The following PEX5L variants were observed in gnomAD, a reference collection of about 807,000 sequenced individuals.
PEX5L encodes PEX5-related protein.
PEX5L carries 30 observed loss-of-function variants against 84.0 expected under a neutral mutation model. That is an observed-to-expected ratio of 0.36 (90% CI 0.27 to 0.48). PEX5L has a LOEUF of 0.48. Ranked by LOEUF, PEX5L falls within the 20% of genes least tolerant of loss-of-function variation. PEX5L has a pLI of 0.99. For missense variants in PEX5L, 533 were observed against 754.6 expected, an observed-to-expected ratio of 0.71 and a Z score of 3.44; for synonymous variants, 270 against 283.1, an observed-to-expected ratio of 0.95 and a Z score of 0.46.
chr3:179,928,577 C>T (rs1265332555), intron 2 of PEX5L, among the ~76,000 whole-genome samples: 2 of 152,200 alleles, frequency 1.3e-5, no homozygotes, highest in Non-Finnish European at 2.9e-5. Flanking sequence ...ATCTGAGTTA[C>T]AATCTCAACT....
chr3:179,872,218 A>G (rs1395181085), intron 7 of PEX5L, among the ~76,000 whole-genome samples: 1 of 152,110 alleles, frequency 6.6e-6, no homozygotes, highest in Admixed American at 6.6e-5. Context: ...GTCTTTTATT[A>G]CAGGTAGATT....
At chr3:179,941,515 T>C (rs1007586344) in intron 2 of PEX5L, among the ~76,000 whole-genome samples, 1 of 152,196 alleles carries the variant, frequency 6.6e-6, no homozygotes. Context: ...ATTTCCCCCA[T>C]TTCACAGATG....
intron 3 of PEX5L, among the ~76,000 whole-genome samples, chr3:179,891,108 G>A (rs1757485108): frequency 6.6e-6 from 1 of 151,652 alleles, no homozygotes; most frequent in Admixed American, 6.6e-5. Context: ...GAGACTTCAG[G>A]AAGCCCAGGA....
At chr3:180,025,766 A>G (rs1195377132) in intron 1 of PEX5L, among the ~76,000 whole-genome samples, 9 of 152,260 alleles carry the variant, frequency 5.9e-5, no homozygotes, top group Non-Finnish European at 1.2e-4. Context: ...CGCCGTGGCT[A>G]AACTCTTTAT....
rs1057253929 is a variant in PEX5L, at chr3:179,851,634, T to C, written c.822+7428A>G. 3.3e-5 allele frequency among the ~76,000 whole-genome samples: 5 copies of C among 152,196 alleles called. 1 individual carries two copies. Among genetic ancestry groups the C allele is most frequent in the African/African-American group, 1.2e-4 (5 of 41,456 alleles). The stretch of plus-strand genomic sequence containing the variant: ...AATGCTGTGGGAGGCAATGTTAGCT[T>C]GAAGCCTTGAGGGTTGTGCCCTCTG... On this transcript the variant is annotated intron_variant, in intron 8 of 14. Transcript: ENST00000467460.
chr3:179,855,580 T>C (rs766351741), intron 8 of PEX5L, among the ~76,000 whole-genome samples: 2 of 152,162 alleles, frequency 1.3e-5, no homozygotes, highest in African/African-American at 2.4e-5. Context: ...TTGCTAACAT[T>C]TGGGCACAGA....
At chr3:180,004,215 C>G (rs1338677683) in intron 1 of PEX5L, among the ~76,000 whole-genome samples, 1 of 152,140 alleles carries the variant, frequency 6.6e-6, no homozygotes, top group East Asian at 1.9e-4. Context: ...GGTCCTCAAA[C>G]GTAATGTTTA....
At chr3:179,807,098 C>T (rs557382110) in intron 14 of PEX5L, among the ~76,000 whole-genome samples, 1 of 152,228 alleles carries the variant, frequency 6.6e-6, no homozygotes, top group African/African-American at 2.4e-5. Flanking sequence ...AAAGAGAGGA[C>T]GCAGACCTTA....
intron 8 of PEX5L, among the ~76,000 whole-genome samples, chr3:179,858,398 G>GT (rs903786227): frequency 2.6e-5 from 4 of 151,464 alleles, no homozygotes; most frequent in Non-Finnish European, 5.9e-5. Context: ...GTTTATTTAG[G>GT]TTTTTTTTCT....
intron 1 of PEX5L, among the ~76,000 whole-genome samples, chr3:180,025,603 T>G (rs1790875127): frequency 6.6e-6 from 1 of 151,814 alleles, no homozygotes; most frequent in Non-Finnish European, 1.5e-5. Flanking sequence ...ACTGAGGGGG[T>G]AACATTTGAA....
At chr3:180,023,184 T>C (rs992592681) in intron 1 of PEX5L, among the ~76,000 whole-genome samples, 1 of 152,134 alleles carries the variant, frequency 6.6e-6, no homozygotes, top group African/African-American at 2.4e-5. Flanking sequence ...GGGGAGGTGG[T>C]CCAACCTGTA....
chr3:179,907,800 A>C (rs576575328), intron 2 of PEX5L, among the ~76,000 whole-genome samples: 1 of 152,176 alleles, frequency 6.6e-6, no homozygotes, highest in Admixed American at 6.5e-5. Flanking sequence ...GGCACATTCT[A>C]CTGCTAATTG....
At chr3:179,976,183 C>G (rs1785766628) in intron 1 of PEX5L, among the ~76,000 whole-genome samples, 1 of 152,146 alleles carries the variant, frequency 6.6e-6, no homozygotes, top group African/African-American at 2.4e-5. Context: ...GGTCACGATG[C>G]AGGTGGCGAA....
At chr3:179,876,335 T>C (rs1463740208) in intron 5 of PEX5L, among the ~76,000 whole-genome samples, 5 of 141,964 alleles carry the variant, frequency 3.5e-5, no homozygotes, top group African/African-American at 1.3e-4. Context: ...TTCTACTAAA[T>C]AAAAAAAAAA....
chr3:179,915,976 T>A (rs746814190), intron 2 of PEX5L, among the ~76,000 whole-genome samples: 2 of 152,208 alleles, frequency 1.3e-5, no homozygotes, highest in Admixed American at 6.5e-5. Flanking sequence ...AATTATATCC[T>A]CATTTCACAA....
At chr3:179,962,195 C>T (rs1435886158) in intron 2 of PEX5L, among the ~76,000 whole-genome samples, 1 of 152,124 alleles carries the variant, frequency 6.6e-6, no homozygotes, top group African/African-American at 2.4e-5. Flanking sequence ...GAAATACACA[C>T]TTTTCTCAAA....
At chr3:180,007,100 G>A (rs1029361366) in intron 1 of PEX5L, among the ~76,000 whole-genome samples, 1 of 152,188 alleles carries the variant, frequency 6.6e-6, no homozygotes, top group Non-Finnish European at 1.5e-5. Flanking sequence ...CTATGAGCCT[G>A]TAAAATAGAA....
At chr3:179,964,911 T>C (rs543131431) in intron 2 of PEX5L, among the ~76,000 whole-genome samples, 56 of 152,208 alleles carry the variant, frequency 3.7e-4, no homozygotes, top group Non-Finnish European at 7.5e-4. Flanking sequence ...CTTTATGAAG[T>C]AGATATTTTC....
chr3:179,985,271 A>C (rs559029159), intron 1 of PEX5L, among the ~76,000 whole-genome samples: 1 of 152,354 alleles, frequency 6.6e-6, no homozygotes, highest in Admixed American at 6.5e-5. Context: ...ATAACTCTGT[A>C]CATGGCCAGG....
Sources: gnomAD v4.1 joint callset for allele counts (sites outside exome capture counted in the v4.1 genomes callset) on GRCh38, gnomAD v4.1.1 for gene constraint, MANE v1.5 for transcripts, NCBI Gene and HGNC (gene_info 2026-07-23, HGNC 2026-07-21) for gene names.